Variants in XPR1 observed in about 807,000 individuals in gnomAD.
The protein encoded by XPR1 is solute carrier family 53 member 1.
In XPR1, 28 loss-of-function variants were observed where a neutral mutation model predicts 87.5. That is an observed-to-expected ratio of 0.32 (90% CI 0.24 to 0.44). The LOEUF (loss-of-function observed/expected upper bound fraction) is 0.44. XPR1 is among the 20% of genes least tolerant of loss of function. The pLI is 1.00. For missense variants in XPR1, 559 were observed against 862.3 expected (o/e 0.65, Z 4.41); for synonymous variants, 300 against 306.1 (o/e 0.98, Z 0.21).
At chr1:180,696,509 A>G (rs1224099516) in intron 2 of XPR1, among the ~76,000 whole-genome samples, 1 of 151,070 alleles carries the variant, frequency 6.6e-6, no homozygotes, top group African/African-American at 2.5e-5. Context: ...ACTATGTTGA[A>G]TAAGAATGGT....
intron 2 of XPR1, among the ~76,000 whole-genome samples, chr1:180,748,494 C>T (rs1385222069): frequency 7.5e-6 from 1 of 132,600 alleles, no homozygotes; most frequent in Non-Finnish European, 1.6e-5. Context: ...TCTCAGCTCA[C>T]TGCAACCTCT....
chr1:180,701,670 A>G (rs1440868233), intron 2 of XPR1, among the ~76,000 whole-genome samples: 5 of 134,796 alleles, frequency 3.7e-5, no homozygotes, highest in African/African-American at 1.6e-4. Flanking sequence ...ATATTGGTCT[A>G]AAATTCTCTT....
intron 7 of XPR1, among the ~76,000 whole-genome samples, chr1:180,814,079 T>A (rs1315218905): frequency 2.0e-5 from 3 of 152,212 alleles, no homozygotes; most frequent in Admixed American, 2.0e-4. Context: ...TAGTAGATGT[T>A]CGAGAGATAA....
intron 2 of XPR1, among the ~76,000 whole-genome samples, chr1:180,694,958 T>C (rs556154013): frequency 4.7e-4 from 71 of 152,188 alleles, no homozygotes; most frequent in Non-Finnish European, 8.1e-4. Context: ...TTAGTTTTTT[T>C]CAGAAACCTC....
At chr1:180,749,523 A>G (rs1262779541) in intron 2 of XPR1, among the ~76,000 whole-genome samples, 1 of 152,116 alleles carries the variant, frequency 6.6e-6, no homozygotes, top group East Asian at 1.9e-4. Context: ...AGCATTTTGT[A>G]AGATTCACCT....
chr1:180,755,861 G>C (rs1647718361), intron 2 of XPR1, among the ~76,000 whole-genome samples: 1 of 152,116 alleles, frequency 6.6e-6, no homozygotes, highest in Admixed American at 6.5e-5. Context: ...ATGTCACCTT[G>C]TAGATCTGAC....
chr1:180,646,427 T>TTTAA, intron 1 of XPR1, among the ~76,000 whole-genome samples: 1 of 152,312 alleles, frequency 6.6e-6, no homozygotes, highest in South Asian at 2.1e-4. Context: ...AGACTTGTCT[T>TTTAA]TTAATGTAGG....
intron 7 of XPR1, among the ~76,000 whole-genome samples, chr1:180,816,722 C>G (rs200841292): frequency 6.6e-6 from 1 of 152,150 alleles, no homozygotes; most frequent in African/African-American, 2.4e-5. Context: ...TTGGTATAAA[C>G]AAACATATTG....
chr1:180,663,432 G>T (rs1207660550), intron 1 of XPR1, among the ~76,000 whole-genome samples: 1 of 152,214 alleles, frequency 6.6e-6, no homozygotes, highest in East Asian at 1.9e-4. Context: ...AGAGCCAGAA[G>T]AATTCTCTGG....
chr1:180,684,651 T>G lies in XPR1; in HGVS notation c.121+2240T>G, dbSNP rs12086875. Among the ~76,000 whole-genome samples, 1,319 of 152,264 alleles carry G rather than the reference T, an allele frequency of 8.7e-3. 21 individuals are homozygous for G. The highest frequency in any genetic ancestry group is 0.03 in the African/African-American group (1,250 of 41,562). ...AATGTTCTTCCATTTTTTTGTATCCTCTTTTATTTGATTGAGCAGTGGTTT... is the reference window on the plus strand; with the variant it reads ...AATGTTCTTCCATTTTTTTGTATCCGCTTTTATTTGATTGAGCAGTGGTTT... On this transcript the variant is annotated intron_variant, in intron 2 of 14. Transcript: ENST00000367590.
chr1:180,717,845 A>T (rs1278929631), intron 2 of XPR1, among the ~76,000 whole-genome samples: 1 of 152,196 alleles, frequency 6.6e-6, no homozygotes. Context: ...TTTCTAGCAC[A>T]CTACTATTAG....
At chr1:180,721,225 A>G (rs1658170826) in intron 2 of XPR1, among the ~76,000 whole-genome samples, 2 of 152,058 alleles carry the variant, frequency 1.3e-5, no homozygotes, top group South Asian at 4.1e-4. Context: ...CTGTCTCAAA[A>G]AAAAAAAAAA....
At chr1:180,747,509 C>A (rs12064145) in intron 2 of XPR1, among the ~76,000 whole-genome samples, 4 of 151,896 alleles carry the variant, frequency 2.6e-5, no homozygotes, top group African/African-American at 7.3e-5. Flanking sequence ...AGAAATTATC[C>A]GTTATTTATT....
chr1:180,800,692 G>A (rs572816922), intron 3 of XPR1, among the ~76,000 whole-genome samples: 1 of 152,286 alleles, frequency 6.6e-6, no homozygotes, highest in South Asian at 2.1e-4. Context: ...CCAATGACGA[G>A]TAATCTTTGC....
In XPR1 at chr1:180,652,734, T is replaced by C. The variant is rs186039783; in HGVS notation, c.69+20464T>C. Among the ~76,000 whole-genome samples, 47 of 152,372 alleles carry C rather than the reference T, an allele frequency of 3.1e-4. No individual in the cohort carries two copies. In the East Asian group the frequency reaches 7.3e-3, roughly 24 times the overall value. On this transcript the variant is annotated intron_variant, in intron 1 of 14. Coordinates refer to ENST00000367590, the MANE Select transcript of XPR1 (RefSeq NM_004736.4). ...GTAATAACATGTAAATTTTGTGGTATAAAATATTTTTCAAATCTAGCTTGA... is the reference window on the plus strand; with the variant it reads ...GTAATAACATGTAAATTTTGTGGTACAAAATATTTTTCAAATCTAGCTTGA...
chr1:180,661,367 G>A (rs1387973124), intron 1 of XPR1, among the ~76,000 whole-genome samples: 3 of 151,762 alleles, frequency 2.0e-5, no homozygotes, highest in South Asian at 2.1e-4. Context: ...GATAAGTAAG[G>A]ACTTTTGCCA....
chr1:180,674,675 C>T (rs1461134742), intron 1 of XPR1, among the ~76,000 whole-genome samples: 4 of 152,076 alleles, frequency 2.6e-5, no homozygotes, highest in African/African-American at 9.7e-5. Context: ...CCTTCAAATA[C>T]ATACCACCAT....
At chr1:180,713,232 T>C (rs1657868426) in intron 2 of XPR1, among the ~76,000 whole-genome samples, 1 of 151,950 alleles carries the variant, frequency 6.6e-6, no homozygotes, top group Admixed American at 6.6e-5. Flanking sequence ...AAGTATTCAA[T>C]TTTTTTTGAT....
chr1:180,745,629 C>A (rs536098729), intron 2 of XPR1, among the ~76,000 whole-genome samples: 2 of 152,078 alleles, frequency 1.3e-5, no homozygotes, highest in Non-Finnish European at 2.9e-5. Flanking sequence ...TTAAGAAATC[C>A]CTTTCCTTCT....
Sources: gnomAD v4.1 joint callset for allele counts (sites outside exome capture counted in the v4.1 genomes callset) on GRCh38, gnomAD v4.1.1 for gene constraint, MANE v1.5 for transcripts, NCBI Gene and HGNC (gene_info 2026-07-23, HGNC 2026-07-21) for gene names.